MSRA: variants seen among roughly 807,000 people sequenced by gnomAD.
MSRA encodes the protein mitochondrial peptide methionine sulfoxide reductase.
MSRA carries 54 observed loss-of-function variants against 31.3 expected under a neutral mutation model. The observed-to-expected ratio is 1.73, with a 90% CI of 1.39 to 2.17. The LOEUF (loss-of-function observed/expected upper bound fraction) is 2.17, where lower values mean the gene tolerates loss of function less well. Ranked by LOEUF, MSRA falls within the 30% of genes most tolerant of loss-of-function variation. The pLI is 0.00. For missense variants in MSRA, 507 were observed against 300.9 expected, an observed-to-expected ratio of 1.69 and a Z score of -5.07; for synonymous variants, 169 against 116.5, an observed-to-expected ratio of 1.45 and a Z score of -2.90.
intron 1 of MSRA, among the ~76,000 whole-genome samples, chr8:10,078,258 C>T (rs1768323680): frequency 6.6e-6 from 1 of 152,176 alleles, no homozygotes; most frequent in Admixed American, 6.5e-5. Context: ...CTCCTCCTTC[C>T]CTACTCAGCC....
At chr8:10,248,415 G>A (rs965092962) in intron 3 of MSRA, among the ~76,000 whole-genome samples, 1 of 152,136 alleles carries the variant, frequency 6.6e-6, no homozygotes, top group Non-Finnish European at 1.5e-5. Flanking sequence ...CCACCGCTCT[G>A]TGCAACCTCT....
chr8:10,343,041 A>T (rs1001005742), intron 5 of MSRA, among the ~76,000 whole-genome samples: 1 of 107,000 alleles, frequency 9.3e-6, no homozygotes, highest in African/African-American at 3.6e-5. Context: ...ACACACACAC[A>T]CACACACACA....
At chr8:10,321,791 A>G (rs1802057201) in intron 5 of MSRA, among the ~76,000 whole-genome samples, 1 of 152,180 alleles carries the variant, frequency 6.6e-6, no homozygotes, top group Non-Finnish European at 1.5e-5. Context: ...TATGTGAGTG[A>G]GCTTCGAATC....
At chr8:10,354,692 C>A (rs1804400056) in intron 5 of MSRA, among the ~76,000 whole-genome samples, 1 of 147,924 alleles carries the variant, frequency 6.8e-6, no homozygotes, top group African/African-American at 2.5e-5. Context: ...ATTTTCGCTG[C>A]ATATTCATTT....
rs535843024 is a variant in MSRA at position 10,349,950 on chromosome 8, C to T, written c.543+29961C>T. Among the ~76,000 whole-genome samples, 5 of 152,344 alleles carry T rather than the reference C, an allele frequency of 3.3e-5. No individual in the cohort carries two copies. In the South Asian group the frequency reaches 1.0e-3, roughly 32 times the overall value. ...CACACATTCCAGAGAGGTGAACCCT[C>T]GCTGAAGGTTACAGTTTGCCTTCCA... On this transcript the variant is annotated intron_variant, in intron 5 of 5. Transcript: ENST00000317173.
intron 1 of MSRA, among the ~76,000 whole-genome samples, chr8:10,132,725 C>G (rs558106001): frequency 2.0e-4 from 31 of 152,326 alleles, no homozygotes; most frequent in African/African-American, 7.0e-4. Context: ...TAATAAGATA[C>G]TAATTGCTGT....
At chr8:10,154,587 C>T (rs561508964) in intron 1 of MSRA, among the ~76,000 whole-genome samples, 292 of 152,218 alleles carry the variant, frequency 1.9e-3, no homozygotes, top group African/African-American at 6.8e-3. Context: ...CCGTGTTAGT[C>T]AGGATGGTCT....
intron 5 of MSRA, among the ~76,000 whole-genome samples, chr8:10,360,851 G>A (rs1804805372): frequency 6.6e-6 from 1 of 152,172 alleles, no homozygotes; most frequent in Non-Finnish European, 1.5e-5. Context: ...TTTCAAATGT[G>A]GAACTGGCTT....
At chr8:10,334,245 C>T (rs1241158423) in intron 5 of MSRA, among the ~76,000 whole-genome samples, 1 of 151,136 alleles carries the variant, frequency 6.6e-6, no homozygotes, top group Non-Finnish European at 1.5e-5. Context: ...CATTTATATT[C>T]GTTAATTTCC....
chr8:10,237,163 T>C (rs1375313609), intron 2 of MSRA, among the ~76,000 whole-genome samples: 1 of 152,256 alleles, frequency 6.6e-6, no homozygotes, highest in Non-Finnish European at 1.5e-5. Flanking sequence ...GGTTGAGTTT[T>C]TCTCCTCTGC....
At chr8:10,107,106 A>C (rs1431154166) in intron 1 of MSRA, among the ~76,000 whole-genome samples, 2 of 152,200 alleles carry the variant, frequency 1.3e-5, no homozygotes, top group Admixed American at 6.5e-5. Flanking sequence ...GTGGTGAAGG[A>C]CTACAGATCA....
intron 1 of MSRA, among the ~76,000 whole-genome samples, chr8:10,130,055 T>G (rs1427363215): frequency 6.6e-6 from 1 of 152,120 alleles, no homozygotes; most frequent in African/African-American, 2.4e-5. Flanking sequence ...ATTGGAGACA[T>G]GGGTGGGATG....
intron 2 of MSRA, among the ~76,000 whole-genome samples, chr8:10,239,012 A>C (rs918659825): frequency 6.6e-6 from 1 of 152,226 alleles, no homozygotes; most frequent in East Asian, 1.9e-4. Context: ...AAAAAATAGC[A>C]TTCAAAACAT....
intron 1 of MSRA, among the ~76,000 whole-genome samples, chr8:10,129,077 C>G: frequency 6.6e-6 from 1 of 152,208 alleles, no homozygotes; most frequent in East Asian, 1.9e-4. Context: ...CTATTTTATG[C>G]AAATAGAGGC....
At chr8:10,280,223 T>A (rs1178402734) in intron 3 of MSRA, among the ~76,000 whole-genome samples, 1 of 152,190 alleles carries the variant, frequency 6.6e-6, no homozygotes. Flanking sequence ...TTTGCCTTCG[T>A]GAACCTTTCT....
At chr8:10,413,779 TATC>T (rs1470681899) in intron 5 of MSRA, among the ~76,000 whole-genome samples, 5 of 152,146 alleles carry the variant, frequency 3.3e-5, no homozygotes, top group Non-Finnish European at 2.9e-5. Context: ...CAATTGATAT[TATC>T]CAGTCTGAGG....
chr8:10,274,056 G>A (rs971562131), intron 3 of MSRA, among the ~76,000 whole-genome samples: 2 of 152,114 alleles, frequency 1.3e-5, no homozygotes, highest in African/African-American at 2.4e-5. Context: ...GTGTCCCTCC[G>A]GCGCCCTCTA....
At chr8:10,259,594 C>A (rs1563279846) in intron 3 of MSRA, among the ~76,000 whole-genome samples, 1 of 152,030 alleles carries the variant, frequency 6.6e-6, no homozygotes, top group Non-Finnish European at 1.5e-5. Flanking sequence ...TGAGTACTTA[C>A]TAGGTGCAAA....
chr8:10,342,139 A>G (rs1251188784), intron 5 of MSRA, among the ~76,000 whole-genome samples: 3 of 152,098 alleles, frequency 2.0e-5, no homozygotes, highest in Admixed American at 2.0e-4. Context: ...TTTCATTCTT[A>G]AGTTCTGTTC....
Sources: allele counts gnomAD v4.1 joint callset (sites outside exome capture counted in the v4.1 genomes callset), GRCh38; gene constraint gnomAD v4.1.1; transcripts MANE v1.5; gene names NCBI Gene and HGNC (gene_info 2026-07-23, HGNC 2026-07-21).